ORC3: variants seen among roughly 807,000 people sequenced by gnomAD.
The protein encoded by ORC3 is origin recognition complex subunit 3, also known as homolog of latheo, Drosophila.
A neutral mutation model predicts 100.7 loss-of-function variants in ORC3; 78 were observed. The observed-to-expected ratio is 0.77, with a 90% CI of 0.65 to 0.94. The LOEUF (loss-of-function observed/expected upper bound fraction) is 0.94, where lower values mean the gene tolerates loss of function less well. ORC3 is among the 40% of genes least tolerant of loss of function. The pLI is 0.00. For synonymous variants in ORC3, 295 were observed against 289.3 expected, an observed-to-expected ratio of 1.02 and a Z score of -0.20; for missense variants, 789 against 823.9, an observed-to-expected ratio of 0.96 and a Z score of 0.52.
rs1770335209 is a variant in ORC3, at chr6:87,663,150, A to G, written c.1833+6A>G. 2.5e-6 allele frequency: 4 copies of G among 1,605,298 alleles called. No individual in the cohort carries two copies. Among genetic ancestry groups the G allele is most frequent in the Non-Finnish European group, 3.4e-6 (4 of 1,173,430 alleles). ...ATCCTTACTATTATCTCAAGGTAAG[A>G]TGAACATTTAGTTTTCTGATAGTTT... On this transcript the variant is annotated splice_donor_region_variant and intron_variant, in intron 17 of 19. Transcript: ENST00000392844.
chr6:87,592,801 G>A lies in ORC3; in HGVS notation c.25-1552G>A, dbSNP rs141614218. ...CCATAGAAATCGAAATATTTAAGAAGTTATCCATCAGGCCGGGTGCAGTGG... is the reference window on the plus strand; with the variant it reads ...CCATAGAAATCGAAATATTTAAGAAATTATCCATCAGGCCGGGTGCAGTGG... On this transcript the variant is annotated intron_variant, in intron 1 of 19. Transcript: ENST00000392844. Among the ~76,000 whole-genome samples, 35 of 151,458 alleles carry A rather than the reference G, an allele frequency of 2.3e-4. No individual in the cohort carries two copies. The East Asian group carries it at 6.7e-3, about 29-fold the overall frequency.
intron 5 of ORC3, among the ~76,000 whole-genome samples, chr6:87,607,072 A>C (rs982429148): frequency 6.6e-6 from 1 of 151,934 alleles, no homozygotes; most frequent in Non-Finnish European, 1.5e-5. Flanking sequence ...ATTTAAATAC[A>C]TATTCCTAAA....
chr6:87,621,369 C>A lies in ORC3; in HGVS notation c.1003C>A (p.His335Asn). 6.4e-7 allele frequency: 1 copy of A among 1,552,370 alleles called. No homozygotes were observed. The highest frequency in any genetic ancestry group is 1.2e-5 in the South Asian group (1 of 80,956). The change falls in exon 10 of 20, where the codon CAT becomes AAT. Residue 335 changes from histidine (H) to asparagine (N), a missense_variant. Around this residue, in one of 3 missense-constraint regions of ORC3, gnomAD observed 24 missense variants for 47.7 expected, o/e 0.50. Transcript: ENST00000392844. Reference protein sequence around the residue: ...IKGLQLSLLEHFYSQPLSVLC... With the variant: ...IKGLQLSLLENFYSQPLSVLC... ...TGTCTTTCAGCTTTCTCTATTAGAGCATTTCTATTCCCAGCCCTTAAGTGT... is the reference window on the plus strand; with the variant it reads ...TGTCTTTCAGCTTTCTCTATTAGAGAATTTCTATTCCCAGCCCTTAAGTGT...
chr6:87,674,047 C>T, the ORC3 span, among the ~76,000 whole-genome samples: 6 of 152,114 alleles, frequency 3.9e-5, no homozygotes, highest in South Asian at 8.3e-4. Context: ...CAGTGGCTCA[C>T]GCCAGCATTT....
chr6:87,644,079 C>CTTTTTTTTTTTTTTTTTTTTTTTT (rs1156943778), intron 13 of ORC3, among the ~76,000 whole-genome samples: 5 of 51,426 alleles, frequency 9.7e-5, no homozygotes, highest in African/African-American at 2.9e-4. Flanking sequence ...GCTGACTGTC[C>CTTTTTTTTTTTTTTTTTTTTTTTT]TTTTTTTTTT....
At chr6:87,598,834 G>A (rs1020461517) in intron 2 of ORC3, among the ~76,000 whole-genome samples, 3 of 152,194 alleles carry the variant, frequency 2.0e-5, no homozygotes, top group African/African-American at 7.2e-5. Flanking sequence ...GACTGAAGAA[G>A]TAGGAAGATG....
chr6:87,609,368 C>G, intron 7 of ORC3, 139 bp downstream of exon 7: 1 of 582,120 alleles, frequency 1.7e-6, no homozygotes, highest in Non-Finnish European at 2.8e-6. Context: ...ATTGAATATT[C>G]AAAGACTTCC....
chr6:87,643,263 C>A (rs181879421), intron 13 of ORC3, among the ~76,000 whole-genome samples: 96 of 152,250 alleles, frequency 6.3e-4, no homozygotes, highest in African/African-American at 1.9e-3. Context: ...AGATATTGAT[C>A]ATTTCAGCTC....
intron 1 of ORC3, 59 bp downstream of exon 1, chr6:87,590,251 G>A (rs1449808345): frequency 1.3e-6 from 2 of 1,570,966 alleles, no homozygotes; most frequent in African/African-American, 1.3e-5. Context: ...CTTTGAAGAA[G>A]GGATGAAGCC....
At chr6:87,608,767 A>G (rs1482544298) in intron 6 of ORC3, among the ~76,000 whole-genome samples, 2 of 152,210 alleles carry the variant, frequency 1.3e-5, no homozygotes, top group Admixed American at 6.5e-5. Flanking sequence ...ACTATAAAGC[A>G]AAGCAGAATA....
the ORC3 span, chr6:87,675,687 G>GC: frequency 6.4e-7 from 1 of 1,566,962 alleles, no homozygotes; most frequent in Admixed American, 1.8e-5. Flanking sequence ...TCCCAATTTT[G>GC]CCCCTAGGTA....
chr6:87,638,488 G>A (rs1238847453), intron 13 of ORC3, among the ~76,000 whole-genome samples: 3 of 152,150 alleles, frequency 2.0e-5, no homozygotes, highest in Non-Finnish European at 2.9e-5. Flanking sequence ...GGTACTATTA[G>A]AAACATAATC....
intron 17 of ORC3, 67 bp from the exon 18 acceptor site, chr6:87,664,676 T>A (rs1770460309): frequency 2.3e-6 from 3 of 1,315,138 alleles, no homozygotes; most frequent in South Asian, 1.2e-5. Flanking sequence ...GGGGGCTTCA[T>A]TAATGTCTGA....
intron 2 of ORC3, among the ~76,000 whole-genome samples, chr6:87,598,034 C>G (rs1777596025): frequency 6.6e-6 from 1 of 151,988 alleles, no homozygotes; most frequent in Admixed American, 6.6e-5. Flanking sequence ...GTGTGCCAGA[C>G]TGTTTTGTTT....
At chr6:87,629,878 A>G (rs974159051) in intron 11 of ORC3, among the ~76,000 whole-genome samples, 2 of 152,174 alleles carry the variant, frequency 1.3e-5, no homozygotes, top group Non-Finnish European at 2.9e-5. Context: ...TGCAAAAGAC[A>G]TGCTATCAGT....
intron 2 of ORC3, among the ~76,000 whole-genome samples, chr6:87,595,921 A>C (rs547202301): frequency 1.7e-3 from 266 of 152,178 alleles, no homozygotes; most frequent in African/African-American, 5.9e-3. Flanking sequence ...TCAGCCTTGA[A>C]AACTCCTGGG....
chr6:87,626,638 T>G (rs1779917501), intron 11 of ORC3, among the ~76,000 whole-genome samples: 1 of 151,988 alleles, frequency 6.6e-6, no homozygotes, highest in East Asian at 1.9e-4. Context: ...ATACAAAAAA[T>G]TATCCAAGTG....
chr6:87,626,212 G>A (rs1412351783), intron 11 of ORC3, among the ~76,000 whole-genome samples: 13 of 152,024 alleles, frequency 8.6e-5, no homozygotes, highest in Non-Finnish European at 1.3e-4. Context: ...GTTTTTTCCA[G>A]TTCTGTGAAG....
intron 9 of ORC3, among the ~76,000 whole-genome samples, chr6:87,616,837 G>A (rs890115024): frequency 6.6e-6 from 1 of 150,582 alleles, no homozygotes; most frequent in Non-Finnish European, 1.5e-5. Context: ...GTTTCACTTT[G>A]TTGCCCAGGC....
Sources: gnomAD v4.1 joint callset for allele counts (sites outside exome capture counted in the v4.1 genomes callset) on GRCh38, gnomAD v4.1.1 for gene constraint, gnomAD v4.1.1 regional missense constraint, MANE v1.5 for transcripts, NCBI Gene and HGNC (gene_info 2026-07-23, HGNC 2026-07-21) for gene names.